The following LRBA variants were observed in gnomAD, a reference collection of about 807,000 sequenced individuals.
LRBA encodes lipopolysaccharide-responsive and beige-like anchor protein.
Under a neutral mutation model 330.0 loss-of-function variants are expected in LRBA, and 176 were observed. That is an observed-to-expected ratio of 0.53 (90% confidence interval 0.47 to 0.60). The LOEUF (loss-of-function observed/expected upper bound fraction) is 0.60. Among genes scored for constraint, LRBA ranks in the 20% least tolerant of loss-of-function variants. The pLI is 0.00. For missense variants in LRBA, 3,259 were observed against 3,444.8 expected, an observed-to-expected ratio of 0.95 and a Z score of 1.35; for synonymous variants, 1,230 against 1,193.0, an observed-to-expected ratio of 1.03 and a Z score of -0.64.
intron 49 of LRBA, among the ~76,000 whole-genome samples, chr4:150,325,065 G>A (rs186697726): frequency 6.6e-6 from 1 of 152,200 alleles, no homozygotes; most frequent in Admixed American, 6.5e-5. Context: ...TAAATGATGT[G>A]TAGGTTCAAA....
At chr4:150,294,110 C>T (rs1728673396) in intron 53 of LRBA, among the ~76,000 whole-genome samples, 2 of 152,102 alleles carry the variant, frequency 1.3e-5, no homozygotes, top group South Asian at 2.1e-4. Flanking sequence ...GTTGGCACCC[C>T]GACTCCTGTG....
chr4:150,730,782 CTGA>C (rs1027600657), intron 36 of LRBA, among the ~76,000 whole-genome samples: 5 of 151,930 alleles, frequency 3.3e-5, no homozygotes, highest in African/African-American at 9.7e-5. Flanking sequence ...CTTTGGGAGG[CTGA>C]TGAAGGCAGA....
chr4:150,293,142 A>G (rs976130288), intron 53 of LRBA, among the ~76,000 whole-genome samples: 2 of 152,166 alleles, frequency 1.3e-5, no homozygotes, highest in African/African-American at 4.8e-5. Flanking sequence ...GTCATTTCCT[A>G]AAGACGGATA....
chr4:150,800,829 T>C (rs1741507312), intron 33 of LRBA, among the ~76,000 whole-genome samples: 1 of 152,210 alleles, frequency 6.6e-6, no homozygotes, highest in African/African-American at 2.4e-5. Flanking sequence ...AGGTAGAAAA[T>C]GTTAGTCTTT....
intron 2 of LRBA, among the ~76,000 whole-genome samples, chr4:150,970,504 A>T (rs1739411076): frequency 6.8e-6 from 1 of 147,832 alleles, no homozygotes; most frequent in African/African-American, 2.5e-5. Context: ...TGTCTCAAAA[A>T]AATAATAATA....
At chr4:150,933,444 C>T (rs966838423) in intron 2 of LRBA, among the ~76,000 whole-genome samples, 3 of 151,300 alleles carry the variant, frequency 2.0e-5, no homozygotes, top group Non-Finnish European at 4.4e-5. Context: ...AAGAATGAGG[C>T]CACTCCACAT....
chr4:150,856,127 G>A (rs888010229), intron 22 of LRBA, among the ~76,000 whole-genome samples: 18 of 152,140 alleles, frequency 1.2e-4, no homozygotes, highest in Admixed American at 9.2e-4. Context: ...GAAGTAGGTC[G>A]AAGCACAGCA....
At chr4:150,602,219 A>G (rs558185850) in intron 37 of LRBA, among the ~76,000 whole-genome samples, 1 of 152,294 alleles carries the variant, frequency 6.6e-6, no homozygotes, top group Admixed American at 6.5e-5. Flanking sequence ...ATTTCAAAAG[A>G]CCAACAATTT....
At chr4:150,480,381 GC>G (rs1344896498) in intron 42 of LRBA, among the ~76,000 whole-genome samples, 6 of 151,944 alleles carry the variant, frequency 3.9e-5, no homozygotes, top group African/African-American at 1.4e-4. Context: ...TTTACCAGAG[GC>G]TACACATACA....
chr4:150,794,787 C>T (rs892365584), intron 34 of LRBA, among the ~76,000 whole-genome samples: 9 of 152,004 alleles, frequency 5.9e-5, no homozygotes, highest in Non-Finnish European at 2.9e-5. Flanking sequence ...CTACATGGTG[C>T]TTCTAGTTTT....
chr4:150,886,298 T>C (rs571873134), intron 17 of LRBA, among the ~76,000 whole-genome samples: 10 of 152,300 alleles, frequency 6.6e-5, no homozygotes, highest in South Asian at 4.1e-4. Flanking sequence ...AGAAAAACTA[T>C]GCTTCCAGTT....
In LRBA at chr4:150,905,889, C is replaced by G. The variant is rs763651221; in HGVS notation, c.1704G>C (p.Leu568Phe). The G allele has an allele frequency of 6.2e-7, 1 of 1,613,690 alleles. No individual in the cohort carries two copies. Among genetic ancestry groups the G allele is most frequent in the Non-Finnish European group, 8.5e-7 (1 of 1,179,732 alleles). ...LQNGMPLLKQ[L>F]CDHVLLNPAI... Reference sequence around the variant, plus strand: ...CAGGATTAAGAAGAACGTGATCACACAATTGCTTGAGCAGGGGCATCCCAT... The same window carrying G: ...CAGGATTAAGAAGAACGTGATCACAGAATTGCTTGAGCAGGGGCATCCCAT... Residue 568 changes from leucine (L) to phenylalanine (F), a missense_variant, in exon 13 of 57, where the codon TTG becomes TTC. By Grantham distance (22) the Leu-to-Phe change is conservative. Coordinates refer to ENST00000651943, the MANE Select transcript of LRBA (RefSeq NM_001364905.1).
chr4:150,869,792 T>TG (rs1205469172), intron 20 of LRBA, among the ~76,000 whole-genome samples: 33 of 152,254 alleles, frequency 2.2e-4, no homozygotes, highest in Admixed American at 2.2e-3. Context: ...AGTAGGCTCA[T>TG]GCCTGTAATA....
chr4:150,498,247 T>A (rs1039264794), intron 40 of LRBA, among the ~76,000 whole-genome samples: 1 of 152,174 alleles, frequency 6.6e-6, no homozygotes, highest in Non-Finnish European at 1.5e-5. Flanking sequence ...TTTAAGCCCT[T>A]GGCCTGTAAA....
At chr4:150,537,984 C>T (rs1764863087) in intron 40 of LRBA, among the ~76,000 whole-genome samples, 1 of 151,752 alleles carries the variant, frequency 6.6e-6, no homozygotes, top group Non-Finnish European at 1.5e-5. Flanking sequence ...AGACATTGAA[C>T]AGAAGCTTCT....
rs147213428 is a variant in LRBA at position 150,509,661 on chromosome 4, C to T, written c.6331-18626G>A. Among the ~76,000 whole-genome samples the T allele has an allele frequency of 3.4e-5, 5 of 149,056 alleles. No homozygotes were observed. In the East Asian group the frequency reaches 9.8e-4, roughly 29 times the overall value. On this transcript the variant is annotated intron_variant, in intron 40 of 56. Coordinates refer to ENST00000651943, the MANE Select transcript of LRBA (RefSeq NM_001364905.1). ...AAAAAAGATCAATAAAATTGATAAACCTCTGACCAGAGATTAGGGAAAAAA... is the reference window on the plus strand; with the variant it reads ...AAAAAAGATCAATAAAATTGATAAATCTCTGACCAGAGATTAGGGAAAAAA...
chr4:150,764,467 A>T (rs1238982271), intron 34 of LRBA, among the ~76,000 whole-genome samples: 1 of 152,092 alleles, frequency 6.6e-6, no homozygotes, highest in Non-Finnish European at 1.5e-5. Flanking sequence ...AGGTTAATAT[A>T]CAAAAGTCAA....
intron 47 of LRBA, among the ~76,000 whole-genome samples, chr4:150,393,319 A>G (rs1023460200): frequency 4.0e-5 from 6 of 151,896 alleles, no homozygotes; most frequent in African/African-American, 1.2e-4. Context: ...GCAATGAAAG[A>G]TATGTGCTAA....
intron 22 of LRBA, among the ~76,000 whole-genome samples, chr4:150,865,629 A>G (rs528081659): frequency 6.6e-6 from 1 of 152,324 alleles, no homozygotes; most frequent in Admixed American, 6.5e-5. Context: ...AAGAGGAGGA[A>G]CAATGAATAA....
Sources: gnomAD v4.1 joint callset for allele counts (sites outside exome capture counted in the v4.1 genomes callset) on GRCh38, gnomAD v4.1.1 for gene constraint, MANE v1.5 for transcripts, NCBI Gene and HGNC (gene_info 2026-07-23, HGNC 2026-07-21) for gene names.